Variants in CHCHD3 observed in about 807,000 individuals in gnomAD.
The protein encoded by CHCHD3 is coiled-coil-helix-coiled-coil-helix domain containing 3.
Under a neutral mutation model 38.2 loss-of-function variants are expected in CHCHD3, and 20 were observed. The ratio of observed to expected loss-of-function variants is 0.52; its 90% confidence interval spans 0.37 to 0.76. The LOEUF (loss-of-function observed/expected upper bound fraction) is 0.76. Among genes scored for constraint, CHCHD3 ranks in the 30% least tolerant of loss-of-function variants. CHCHD3 has a pLI of 0.00. For missense variants in CHCHD3, 245 were observed against 279.2 expected (o/e 0.88, Z 0.87); for synonymous variants, 82 against 100.0 (o/e 0.82, Z 1.07).
chr7:132,853,809 T>C (rs1218286702), intron 5 of CHCHD3, among the ~76,000 whole-genome samples: 2 of 152,182 alleles, frequency 1.3e-5, no homozygotes, highest in East Asian at 3.9e-4. Context: ...CTAGGATGAA[T>C]TGTATTATAT....
At chr7:132,792,503 T>C (rs1003571585) in intron 7 of CHCHD3, among the ~76,000 whole-genome samples, 1 of 152,124 alleles carries the variant, frequency 6.6e-6, no homozygotes, top group Non-Finnish European at 1.5e-5. Flanking sequence ...ATGCAAGTGT[T>C]CTTCTTGAGT....
At chr7:132,846,933 G>A (rs559392203) in intron 5 of CHCHD3, among the ~76,000 whole-genome samples, 6 of 152,304 alleles carry the variant, frequency 3.9e-5, no homozygotes, top group Admixed American at 2.0e-4. Context: ...GTTGAAGCTC[G>A]AAACAGTAGC....
chr7:132,968,772 A>G (rs1350299133), intron 4 of CHCHD3, among the ~76,000 whole-genome samples: 1 of 152,238 alleles, frequency 6.6e-6, no homozygotes, highest in African/African-American at 2.4e-5. Flanking sequence ...CTTCTCTTAC[A>G]CAGAACTTTT....
intron 3 of CHCHD3, among the ~76,000 whole-genome samples, chr7:133,023,452 A>G (rs2117440230): frequency 6.6e-6 from 1 of 152,340 alleles, no homozygotes; most frequent in African/African-American, 2.4e-5. Flanking sequence ...TGAGGACTAC[A>G]ATCCAATTCA....
intron 4 of CHCHD3, among the ~76,000 whole-genome samples, chr7:132,950,870 A>C (rs1488355141): frequency 6.6e-6 from 1 of 152,182 alleles, no homozygotes; most frequent in African/African-American, 2.4e-5. Context: ...TCCTTGATGC[A>C]TTCTAAATGC....
intron 3 of CHCHD3, among the ~76,000 whole-genome samples, chr7:132,994,135 A>G (rs191194353): frequency 1.3e-5 from 2 of 152,248 alleles, no homozygotes; most frequent in East Asian, 3.9e-4. Context: ...TTTTTCTAAA[A>G]AGACACCTTG....
At chr7:132,932,361 T>C (rs140116960) in intron 4 of CHCHD3, among the ~76,000 whole-genome samples, 100 of 152,244 alleles carry the variant, frequency 6.6e-4, no homozygotes, top group Non-Finnish European at 1.2e-3. Context: ...AAAAGAAAGA[T>C]TGCAGGAGGG....
intron 5 of CHCHD3, among the ~76,000 whole-genome samples, chr7:132,873,366 T>A (rs567514980): frequency 1.3e-5 from 2 of 152,116 alleles, no homozygotes; most frequent in South Asian, 2.1e-4. Context: ...TTATGTTAAC[T>A]AATTTCAAGC....
Position 133,034,455 on chromosome 7 carries a change from T to TA in CHCHD3, c.170-9829dup, listed in dbSNP as rs1344718882. Among the ~76,000 whole-genome samples, 7 of 147,776 alleles carry TA rather than the reference T, an allele frequency of 4.7e-5. No homozygotes were observed. In the South Asian group the frequency reaches 6.4e-4, roughly 13 times the overall value. ...AAAATCTAAACATATATGATACTTT[T>TA]AAAAAAATGCATCTATAATTCTTTT... On this transcript the variant is annotated intron_variant, in intron 2 of 7. Transcript: ENST00000262570.
chr7:132,933,637 C>T (rs1810568042), intron 4 of CHCHD3, among the ~76,000 whole-genome samples: 1 of 152,196 alleles, frequency 6.6e-6, no homozygotes, highest in Admixed American at 6.5e-5. Context: ...TGGGTACCCC[C>T]AATCTCATAA....
Position 133,034,771 on chromosome 7 carries a change from A to G in CHCHD3, c.170-10144T>C, listed in dbSNP as rs745919269. On this transcript the variant is annotated intron_variant, in intron 2 of 7. Coordinates refer to ENST00000262570, the MANE Select transcript of CHCHD3 (RefSeq NM_017812.4). ...ACCTGCCAATCTGGACTCAGCGGAA[A>G]GGCAAGCTCCTGGCCTCGGAAGACC... The G allele has an allele frequency of 3.7e-5, 60 of 1,613,558 alleles. No homozygotes were observed. In the East Asian group the frequency reaches 1.3e-3, roughly 35 times the overall value.
intron 7 of CHCHD3, 67 bp downstream of exon 7, chr7:132,796,375 C>G: frequency 6.3e-7 from 1 of 1,588,320 alleles, no homozygotes; most frequent in Non-Finnish European, 8.6e-7. Context: ...TTAGTCCTTA[C>G]CACTGCCCCA....
intron 6 of CHCHD3, among the ~76,000 whole-genome samples, chr7:132,819,028 CA>C (rs1165476184): frequency 1.3e-5 from 2 of 152,208 alleles, no homozygotes; most frequent in African/African-American, 4.8e-5. Context: ...GAGATGTCAA[CA>C]TAGCCACAGG....
chr7:132,789,762 T>C (rs145515258), intron 7 of CHCHD3, among the ~76,000 whole-genome samples: 13 of 152,146 alleles, frequency 8.5e-5, no homozygotes, highest in African/African-American at 2.4e-4. Flanking sequence ...CTGGATGAAC[T>C]TACCCAGCGC....
chr7:132,901,310 T>C (rs1809660303), intron 4 of CHCHD3, among the ~76,000 whole-genome samples: 1 of 151,874 alleles, frequency 6.6e-6, no homozygotes, highest in Non-Finnish European at 1.5e-5. Context: ...AAGGGAGCAA[T>C]GGAAAGAAGA....
intron 3 of CHCHD3, among the ~76,000 whole-genome samples, chr7:132,990,121 C>T (rs924548846): frequency 2.6e-5 from 4 of 151,960 alleles, no homozygotes; most frequent in Non-Finnish European, 5.9e-5. Flanking sequence ...TGCAGTGAGC[C>T]GAGATCACGC....
At chr7:133,025,706 A>T (rs902398293) in intron 2 of CHCHD3, among the ~76,000 whole-genome samples, 1 of 152,150 alleles carries the variant, frequency 6.6e-6, no homozygotes, top group Non-Finnish European at 1.5e-5. Context: ...GCGTTTCATC[A>T]TGTTAGCCAG....
chr7:133,064,514 T>A (rs1814612756), intron 2 of CHCHD3, among the ~76,000 whole-genome samples: 1 of 152,202 alleles, frequency 6.6e-6, no homozygotes, highest in African/African-American at 2.4e-5. Flanking sequence ...TATGTCTAAA[T>A]GAGCCTTAAA....
chr7:132,842,750 A>T (rs144246134), intron 5 of CHCHD3, among the ~76,000 whole-genome samples: 1 of 152,166 alleles, frequency 6.6e-6, no homozygotes, highest in Non-Finnish European at 1.5e-5. Flanking sequence ...ATTCTACAGA[A>T]GCAATATGCC....
Sources: allele counts gnomAD v4.1 joint callset (sites outside exome capture counted in the v4.1 genomes callset), GRCh38; gene constraint gnomAD v4.1.1; transcripts MANE v1.5; gene names NCBI Gene and HGNC (gene_info 2026-07-23, HGNC 2026-07-21).